SERPINB11: variants seen among roughly 807,000 people sequenced by gnomAD.
SERPINB11 encodes serpin B11.
In SERPINB11, 32 loss-of-function variants were observed where a neutral mutation model predicts 36.7. The observed-to-expected ratio is 0.87, with a 90% CI of 0.66 to 1.17. The LOEUF (loss-of-function observed/expected upper bound fraction) is 1.17, where lower values mean the gene tolerates loss of function less well. Ranked by LOEUF, SERPINB11 falls within the 50% of genes most tolerant of loss-of-function variation. The probability of loss-of-function intolerance (pLI) is 0.00; values close to 1 mark genes in which losing one functional copy is unlikely to be tolerated. For synonymous variants in SERPINB11, 174 were observed against 168.1 expected (o/e 1.04, Z -0.27); for missense variants, 528 against 458.4 (o/e 1.15, Z -1.39).
At chr18:63,709,860 G>C (rs1402144366) in intron 1 of SERPINB11, among the ~76,000 whole-genome samples, 1 of 152,018 alleles carries the variant, frequency 6.6e-6, no homozygotes, top group African/African-American at 2.4e-5. Context: ...TGGAAATTCA[G>C]AATACAAAGA....
intron 1 of SERPINB11, among the ~76,000 whole-genome samples, chr18:63,707,986 C>T (rs191544690): frequency 4.6e-5 from 7 of 152,258 alleles, no homozygotes; most frequent in South Asian, 2.1e-4. Context: ...GAGATGCTAT[C>T]GGAACAGAGA....
intron 1 of SERPINB11, among the ~76,000 whole-genome samples, chr18:63,706,269 C>T (rs1297066166): frequency 6.6e-6 from 1 of 152,196 alleles, no homozygotes; most frequent in African/African-American, 2.4e-5. Flanking sequence ...CCACAAGTGA[C>T]ATATATTCCC....
At chr18:63,709,981 T>C in intron 1 of SERPINB11, among the ~76,000 whole-genome samples, 198 bp from the exon 2 acceptor site, 1 of 152,262 alleles carries the variant, frequency 6.6e-6, no homozygotes, top group East Asian at 1.9e-4. Flanking sequence ...GTAAATCTTC[T>C]GTTCATTGGA....
chr18:63,704,731 G>A (rs192397996), intron 1 of SERPINB11, among the ~76,000 whole-genome samples: 6 of 152,238 alleles, frequency 3.9e-5, no homozygotes, highest in Admixed American at 2.0e-4. Flanking sequence ...GAAGTGAGGC[G>A]AACATCATCA....
At chr18:63,718,894 G>A (rs1421711015) in intron 5 of SERPINB11, among the ~76,000 whole-genome samples, 3 of 151,924 alleles carry the variant, frequency 2.0e-5, no homozygotes, top group Non-Finnish European at 2.9e-5. Flanking sequence ...TAGCACAGTG[G>A]TGTAAAAATA....
intron 2 of SERPINB11, among the ~76,000 whole-genome samples, chr18:63,710,941 T>C (rs1914506835): frequency 6.6e-6 from 1 of 152,200 alleles, no homozygotes; most frequent in Non-Finnish European, 1.5e-5. Context: ...CAAATCTTAT[T>C]ATTGTTCGTG....
intron 1 of SERPINB11, among the ~76,000 whole-genome samples, chr18:63,703,886 C>T (rs1000445223): frequency 4.3e-4 from 66 of 152,216 alleles, no homozygotes; most frequent in African/African-American, 1.5e-3. Context: ...TCTTCTCAAC[C>T]TCAAAGGGCT....
intron 1 of SERPINB11, among the ~76,000 whole-genome samples, chr18:63,708,306 T>C (rs1484575698): frequency 6.6e-6 from 1 of 152,204 alleles, no homozygotes; most frequent in Non-Finnish European, 1.5e-5. Flanking sequence ...TAAAAAATAC[T>C]AGTCTATCAA....
chr18:63,720,223 G>A (rs1914772366), intron 6 of SERPINB11, 68 bp downstream of exon 6: 3 of 1,340,982 alleles, frequency 2.2e-6, no homozygotes, highest in Middle Eastern at 2.5e-4. Context: ...GGACAATTTA[G>A]AAAGATGTAG....
At chr18:63,705,286 A>G (rs1598957163) in intron 1 of SERPINB11, 1 of 152,166 alleles carries the variant, frequency 6.6e-6, no homozygotes, top group South Asian at 2.1e-4. Flanking sequence ...CACGTTGCCC[A>G]GGCTGGCTTC....
chr18:63,709,774 T>C (rs934282165), intron 1 of SERPINB11, among the ~76,000 whole-genome samples: 12 of 152,130 alleles, frequency 7.9e-5, no homozygotes, highest in African/African-American at 2.9e-4. Flanking sequence ...AGTGGGAAAA[T>C]ATCTCGACTG....
At chr18:63,712,524 A>G in intron 3 of SERPINB11, 41 bp from the exon 4 acceptor site, 2 of 1,608,792 alleles carry the variant, frequency 1.2e-6, no homozygotes, top group East Asian at 2.2e-5. Flanking sequence ...GGCAAAAATC[A>G]AGCAATTTAA....
At chr18:63,716,193 G>A in intron 5 of SERPINB11, 41 bp downstream of exon 5, 1 of 1,310,540 alleles carries the variant, frequency 7.6e-7, no homozygotes. Flanking sequence ...TCTGTGTTGT[G>A]TTGATAAGCA....
At chr18:63,706,084 CTG>C (rs1914365469) in intron 1 of SERPINB11, among the ~76,000 whole-genome samples, 1 of 152,184 alleles carries the variant, frequency 6.6e-6, no homozygotes, top group African/African-American at 2.4e-5. Flanking sequence ...GCAAAGAAAA[CTG>C]TGGTCCAGGC....
intron 5 of SERPINB11, among the ~76,000 whole-genome samples, chr18:63,719,389 G>A (rs1388946360): frequency 6.6e-6 from 1 of 151,976 alleles, no homozygotes; most frequent in East Asian, 1.9e-4. Flanking sequence ...ATATTCCTAT[G>A]TTTCATATTG....
intron 1 of SERPINB11, among the ~76,000 whole-genome samples, chr18:63,707,671 C>G (rs1914406914): frequency 6.6e-6 from 1 of 152,192 alleles, no homozygotes; most frequent in South Asian, 2.1e-4. Context: ...TGTCTCTCCT[C>G]TCTACTTGAT....
In SERPINB11 at chr18:63,710,421, G is replaced by T. The variant is rs183341371; in HGVS notation, c.168+60G>T. On this transcript the variant is annotated intron_variant, in intron 2 of 7. Transcript: ENST00000544088. ...GAAGTCTTTCATGCTCCCGCTCTGGGTCAGCAAAATTAATTCTATCTTTAT... is the reference window on the plus strand; with the variant it reads ...GAAGTCTTTCATGCTCCCGCTCTGGTTCAGCAAAATTAATTCTATCTTTAT... 2.1e-5 allele frequency: 29 copies of T among 1,403,866 alleles called. No individual in the cohort carries two copies. In the African/African-American group the frequency reaches 3.3e-4, roughly 16 times the overall value. The allele number at this position is 1,403,866 out of a possible 1,614,324, so 87.0% of individuals were successfully genotyped here. A position where few individuals can be genotyped will look rare whatever the true frequency, so the allele number is the denominator to read the frequency against.
intron 7 of SERPINB11, among the ~76,000 whole-genome samples, chr18:63,722,630 G>T (rs1235734989): frequency 6.6e-6 from 1 of 152,174 alleles, no homozygotes; most frequent in Non-Finnish European, 1.5e-5. Flanking sequence ...AGGGTATCAT[G>T]AAATGTTTCA....
chr18:63,714,907 G>A (rs149914324), intron 4 of SERPINB11, among the ~76,000 whole-genome samples: 3,626 of 152,208 alleles, frequency 0.024, 141 homozygotes, highest in African/African-American at 0.083. Context: ...GTATTGATTA[G>A]GGAAGTGATA....
Sources: gnomAD v4.1 joint callset for allele counts (sites outside exome capture counted in the v4.1 genomes callset) on GRCh38, gnomAD v4.1.1 for gene constraint, MANE v1.5 for transcripts, NCBI Gene and HGNC (gene_info 2026-07-23, HGNC 2026-07-21) for gene names.